MLST8: variants seen among roughly 807,000 people sequenced by gnomAD.
MLST8 encodes the protein target of rapamycin complex subunit LST8.
MLST8 carries 20 observed loss-of-function variants against 41.3 expected under a neutral mutation model. The observed-to-expected ratio is 0.48, with a 90% CI of 0.34 to 0.70. The LOEUF (loss-of-function observed/expected upper bound fraction) is 0.70. Among genes scored for constraint, MLST8 ranks in the 30% least tolerant of loss-of-function variants. The pLI is 0.01. For synonymous variants in MLST8, 243 were observed against 183.0 expected (o/e 1.33, Z -2.65); for missense variants, 422 against 454.3 (o/e 0.93, Z 0.65).
In MLST8 at chr16:2,209,092, C is replaced by G. The variant is rs1372929462; in HGVS notation, c.*215C>G. On this transcript the variant is annotated 3_prime_UTR_variant, in exon 9 of 9. Transcript: ENST00000569417. ...AGAGCTCGACCCAAGCCAGGCTGCA[C>G]ACTCCTGGACTGGGCTAGCCTGCAC... 1.6e-6 allele frequency: 1 copy of G among 642,800 alleles called. No homozygotes were observed. The highest frequency in any genetic ancestry group is 1.9e-5 in the South Asian group (1 of 53,664). 39.8% of individuals were successfully genotyped at this position (642,800 alleles called of 1,614,324 possible). A position where few individuals can be genotyped will look rare whatever the true frequency, so the allele number is the denominator to read the frequency against.
At chr16:2,207,538 G>A (rs1177449113) in intron 6 of MLST8, 193 bp downstream of exon 6, 2 of 636,998 alleles carry the variant, frequency 3.1e-6, no homozygotes, top group African/African-American at 1.8e-5. Flanking sequence ...TCTGCAGGTC[G>A]GTCACTCCGC....
chr16:2,207,750 C>G (rs976256612), intron 6 of MLST8: 1 of 252,848 alleles, frequency 4.0e-6, no homozygotes, highest in Non-Finnish European at 7.7e-6. Context: ...TGGCGTCATT[C>G]CCCTGAGGAG....
chr16:2,207,294 G>A lies in MLST8; in HGVS notation c.522G>A (p.Thr174=), dbSNP rs369501633. The A allele has an allele frequency of 2.5e-5, 41 of 1,614,054 alleles. No individual in the cohort carries two copies. The African/African-American group carries it at 4.7e-4, about 18-fold the overall frequency. ...QLIPEPEVSI[T]SAHIDPDASY... ...TCCCTGAGCCCGAGGTCTCCATCAC[G>A]TCCGCCCACATCGATCCCGACGCCA... Residue 174 remains threonine (T), a synonymous_variant, in exon 6 of 9, where the codon ACG becomes ACA. Coordinates refer to ENST00000569417, the MANE Select transcript of MLST8 (RefSeq NM_022372.6).
At chr16:2,207,717 G>A (rs2093322675) in intron 6 of MLST8, 1 of 302,572 alleles carries the variant, frequency 3.3e-6, no homozygotes, top group South Asian at 4.5e-5. Flanking sequence ...GCTTCTAGTG[G>A]TGCCTGGTCA....
chr16:2,209,072 T>C lies in MLST8; in HGVS notation c.*195T>C. ...GTTGCTTATCCAGATGTGACAGAGC[T>C]CGACCCAAGCCAGGCTGCACACTCC... On this transcript the variant is annotated 3_prime_UTR_variant, in exon 9 of 9. Transcript: ENST00000569417. 1 of 671,416 alleles carries C rather than the reference T, an allele frequency of 1.5e-6. No homozygotes were observed. Among genetic ancestry groups the C allele is most frequent in the Admixed American group, 2.7e-5 (1 of 37,036 alleles). The allele number at this position is 671,416 out of a possible 1,614,324, so 41.6% of individuals were successfully genotyped here.
In MLST8 at chr16:2,208,341, G is replaced by T; in HGVS notation, c.698+7G>T. 1.2e-6 allele frequency: 2 copies of T among 1,605,848 alleles called. No individual in the cohort carries two copies. The highest frequency in any genetic ancestry group is 1.1e-5 in the South Asian group (1 of 90,924). On this transcript the variant is annotated splice_region_variant and intron_variant, in intron 7 of 8. Coordinates refer to ENST00000569417, the MANE Select transcript of MLST8 (RefSeq NM_022372.6). ...GCTTCAGCCCCGACTCCACGTGCGT[G>T]CAGGGCCTGCTGGCCCGGGAGGGGA...
At position 2,206,023 on chromosome 16, in the gene MLST8, C is replaced by T. The variant is rs775826558; in HGVS notation, c.-55-8C>T. The T allele has an allele frequency of 2.6e-6, 4 of 1,521,178 alleles. No individual in the cohort carries two copies. The highest frequency in any genetic ancestry group is 2.3e-5 in the East Asian group (1 of 43,610). 94.2% of individuals were successfully genotyped at this position (1,521,178 alleles called of 1,614,324 possible). ...TGTCTTCTAAGTACTTCACATCCTT[C>T]TCTGCAGATGCTCTGACCTTTGACC... On this transcript the variant is annotated splice_region_variant and splice_polypyrimidine_tract_variant and intron_variant, in intron 1 of 8. Transcript: ENST00000569417.
In MLST8 at chr16:2,209,116, A is replaced by G. The variant is rs1186371364; in HGVS notation, c.*239A>G. The G allele has an allele frequency of 3.4e-5, 22 of 639,132 alleles. No individual in the cohort carries two copies. The East Asian group carries it at 5.8e-4, about 17-fold the overall frequency. 39.6% of individuals were successfully genotyped at this position (639,132 alleles called of 1,614,324 possible). On this transcript the variant is annotated 3_prime_UTR_variant, in exon 9 of 9. Coordinates refer to ENST00000569417, the MANE Select transcript of MLST8 (RefSeq NM_022372.6). ...ACACTCCTGGACTGGGCTAGCCTGC[A>G]CTGCCTGGGAAAGTCGGCCGAGGGC...
intron 6 of MLST8, chr16:2,207,969 A>G: frequency 2.3e-6 from 1 of 435,360 alleles, no homozygotes; most frequent in African/African-American, 2.0e-5. Flanking sequence ...GGCATCCTCC[A>G]GGAAGGAGAA....
In MLST8 at chr16:2,209,388, C is replaced by T. The variant is rs1358519020; in HGVS notation, c.*511C>T. 3 of 1,613,532 alleles carry T rather than the reference C, an allele frequency of 1.9e-6. No homozygotes were observed. Among genetic ancestry groups the T allele is most frequent in the Non-Finnish European group, 2.5e-6 (3 of 1,179,864 alleles). On this transcript the variant is annotated 3_prime_UTR_variant, in exon 9 of 9. Coordinates refer to ENST00000569417, the MANE Select transcript of MLST8 (RefSeq NM_022372.6). ...CAGTCTGGGAGGTAATAAAAGCAGACCGACACGCAGATGTTGCTCGGGAAG... is the reference window on the plus strand; with the variant it reads ...CAGTCTGGGAGGTAATAAAAGCAGATCGACACGCAGATGTTGCTCGGGAAG...
chr16:2,209,264 G>C lies in MLST8; in HGVS notation c.*387G>C, dbSNP rs967799849. On this transcript the variant is annotated 3_prime_UTR_variant, in exon 9 of 9. Transcript: ENST00000569417. ...ACACCACCACCATGGCCAGGTGGAA[G>C]GGTTTATTAGTCCCTGCCAGCAGCT... 1.8e-6 allele frequency: 2 copies of C among 1,134,796 alleles called. No homozygotes were observed. The highest frequency in any genetic ancestry group is 1.5e-5 in the African/African-American group (1 of 65,038). The allele number at this position is 1,134,796 out of a possible 1,614,324, so 70.3% of individuals were successfully genotyped here.
chr16:2,207,572 A>C, intron 6 of MLST8: 2 of 567,524 alleles, frequency 3.5e-6, no homozygotes, highest in Admixed American at 3.2e-5. Flanking sequence ...TCCCAAGTCG[A>C]TCCACTTCCC....
chr16:2,208,164 A>T, intron 6 of MLST8, 46 bp from the exon 7 acceptor site: 1 of 1,558,856 alleles, frequency 6.4e-7, no homozygotes, highest in Non-Finnish European at 8.7e-7. Context: ...CCTGTGTCTC[A>T]GACCTGAGGC....
intron 8 of MLST8, 40 bp from the exon 9 acceptor site, chr16:2,208,719 T>TGCACCTGCGCTCTTAGCCC: frequency 1.2e-6 from 2 of 1,613,584 alleles, no homozygotes; most frequent in Non-Finnish European, 1.7e-6. Context: ...CTGCTTGGCC[T>TGCACCTGCGCTCTTAGCCC]GCACCTGCGC....
chr16:2,207,135 C>G (rs760709050), intron 5 of MLST8, 25 bp downstream of exon 5: 1 of 1,613,150 alleles, frequency 6.2e-7, no homozygotes. Context: ...TGGGGCCAGG[C>G]ACCCTGGGAC....
At chr16:2,205,727 C>G in intron 1 of MLST8, 4 of 1,007,766 alleles carry the variant, frequency 4.0e-6, no homozygotes, top group Non-Finnish European at 4.7e-6. Flanking sequence ...GGCCCATCCG[C>G]CGCCTTGCGC....
In MLST8 at chr16:2,209,338, G is replaced by A; in HGVS notation, c.*461G>A. 2 of 1,599,198 alleles carry A rather than the reference G, an allele frequency of 1.3e-6. No homozygotes were observed. Among genetic ancestry groups the A allele is most frequent in the South Asian group, 2.2e-5 (2 of 90,014 alleles). On this transcript the variant is annotated 3_prime_UTR_variant, in exon 9 of 9. Coordinates refer to ENST00000569417, the MANE Select transcript of MLST8 (RefSeq NM_022372.6). ...GGCCAGCCCACTGGATTGGGGACGG[G>A]CCAGGCTGGGCCAGGTCGGGGGCTC...
chr16:2,205,991 CAGAGAGT>C, intron 1 of MLST8, 33 bp from the exon 2 acceptor site: 1 of 1,502,194 alleles, frequency 6.7e-7, no homozygotes, highest in Non-Finnish European at 8.9e-7. Flanking sequence ...CTACTTAGCA[CAGAGAGT>C]GTCTTCTAAG....
At chr16:2,207,399 C>CCTG in intron 6 of MLST8, 54 bp downstream of exon 6, 1 of 1,587,766 alleles carries the variant, frequency 6.3e-7, no homozygotes, top group Admixed American at 1.7e-5. Flanking sequence ...CAGCCCTCAG[C>CCTG]CTCTGCAGGT....
Sources: gnomAD v4.1 joint callset for allele counts on GRCh38, gnomAD v4.1.1 for gene constraint, MANE v1.5 for transcripts, NCBI Gene and HGNC (gene_info 2026-07-23, HGNC 2026-07-21) for gene names.